RBFOX1: variants seen among roughly 807,000 people sequenced by gnomAD.
RBFOX1 encodes the protein RNA binding fox-1 homolog 1.
In RBFOX1, 8 loss-of-function variants were observed where a neutral mutation model predicts 57.7. The observed-to-expected ratio is 0.14, with a 90% confidence interval of 0.08 to 0.25. The LOEUF is 0.25. Ranked by LOEUF, RBFOX1 falls within the 10% of genes least tolerant of loss-of-function variation. RBFOX1 has a pLI of 1.00. For missense variants in RBFOX1, 611 were observed against 548.5 expected (o/e 1.11, Z -1.14); for synonymous variants, 326 against 222.4 (o/e 1.47, Z -4.15).
intron 2 of RBFOX1, among the ~76,000 whole-genome samples, chr16:6,504,596 A>G (rs1166286823): frequency 6.6e-6 from 1 of 152,134 alleles, no homozygotes; most frequent in African/African-American, 2.4e-5. Context: ...GTCTTATTTG[A>G]CACCTCATGT....
At chr16:6,510,377 A>T (rs913934884) in intron 2 of RBFOX1, among the ~76,000 whole-genome samples, 1 of 152,100 alleles carries the variant, frequency 6.6e-6, no homozygotes, top group Non-Finnish European at 1.5e-5. Context: ...GCCAACTCCC[A>T]GTTTCCCGAT....
chr16:6,373,595 G>A (rs746390178), intron 2 of RBFOX1, among the ~76,000 whole-genome samples: 6 of 152,116 alleles, frequency 3.9e-5, no homozygotes, highest in South Asian at 2.1e-4. Flanking sequence ...AAGTATAGTC[G>A]GATGAGAGGA....
intron 3 of RBFOX1, among the ~76,000 whole-genome samples, chr16:6,735,543 A>G (rs1187157483): frequency 6.6e-6 from 1 of 152,178 alleles, no homozygotes; most frequent in East Asian, 1.9e-4. Context: ...TGTGTCTTTT[A>G]ACTATTTCTC....
chr16:6,801,735 A>G (rs1238509188), intron 3 of RBFOX1, among the ~76,000 whole-genome samples: 1 of 152,094 alleles, frequency 6.6e-6, no homozygotes, highest in Non-Finnish European at 1.5e-5. Context: ...GAGAGTTTTT[A>G]TTTCTGTAAC....
At chr16:6,701,908 C>G (rs915248700) in intron 3 of RBFOX1, among the ~76,000 whole-genome samples, 1 of 152,032 alleles carries the variant, frequency 6.6e-6, no homozygotes. Context: ...TGAGTACACA[C>G]GGACACAAAG....
intron 4 of RBFOX1, among the ~76,000 whole-genome samples, chr16:7,081,161 A>G (rs1230725425): frequency 6.6e-6 from 1 of 152,124 alleles, no homozygotes; most frequent in African/African-American, 2.4e-5. Context: ...CAGCCTCCCA[A>G]GTAGCTGAGA....
chr16:6,886,829 T>A (rs2064163768), intron 3 of RBFOX1, among the ~76,000 whole-genome samples: 1 of 151,576 alleles, frequency 6.6e-6, no homozygotes, highest in Non-Finnish European at 1.5e-5. Flanking sequence ...GAAGAAACGT[T>A]TGCTTTAGAA....
chr16:6,801,332 G>A lies in RBFOX1; in HGVS notation c.-16+146682G>A, dbSNP rs1005540710. Among the ~76,000 whole-genome samples, 64 of 152,090 alleles carry A rather than the reference G, an allele frequency of 4.2e-4. 1 individual carries two copies. On this transcript the variant is annotated intron_variant, in intron 3 of 15. Coordinates refer to ENST00000550418, the MANE Select transcript of RBFOX1 (RefSeq NM_018723.4). ...CTACAGTTGAGAGAGAACCATACAA[G>A]GCTCTTGGTAATGGTCAGGCTTATG...
intron 2 of RBFOX1, among the ~76,000 whole-genome samples, chr16:5,559,535 G>C (rs1016000932): frequency 6.6e-6 from 1 of 152,160 alleles, no homozygotes; most frequent in South Asian, 2.1e-4. Flanking sequence ...TCGGGCCTTG[G>C]CCACATGGAC....
intron 4 of RBFOX1, among the ~76,000 whole-genome samples, chr16:5,895,265 C>T (rs1323023565): frequency 1.3e-5 from 2 of 152,210 alleles, no homozygotes; most frequent in African/African-American, 4.8e-5. Flanking sequence ...TAATGTGGTC[C>T]AGATGCCTGT....
intron 2 of RBFOX1, among the ~76,000 whole-genome samples, chr16:5,576,722 C>T (rs560214410): frequency 5.6e-4 from 85 of 152,304 alleles, no homozygotes; most frequent in African/African-American, 1.9e-3. Flanking sequence ...CATCAAAGCC[C>T]ATTTCTTAAA....
intron 4 of RBFOX1, among the ~76,000 whole-genome samples, chr16:7,103,499 A>G: frequency 6.6e-6 from 1 of 152,190 alleles, no homozygotes; most frequent in South Asian, 2.1e-4. Flanking sequence ...AAAGACGTTC[A>G]CAATGTATTG....
intron 3 of RBFOX1, among the ~76,000 whole-genome samples, chr16:5,725,982 G>A (rs1479272050): frequency 5.9e-5 from 9 of 152,036 alleles, no homozygotes; most frequent in Non-Finnish European, 4.4e-5. Flanking sequence ...GGTCACCAAA[G>A]AGTCTCTTCT....
chr16:7,299,339 A>G (rs1336682968), intron 4 of RBFOX1, among the ~76,000 whole-genome samples: 2 of 152,220 alleles, frequency 1.3e-5, no homozygotes, highest in Non-Finnish European at 2.9e-5. Flanking sequence ...AGTGGGAGCG[A>G]GTTGTGAACT....
intron 1 of RBFOX1, among the ~76,000 whole-genome samples, chr16:6,270,617 A>G (rs979797831): frequency 5.3e-5 from 8 of 152,202 alleles, no homozygotes; most frequent in Non-Finnish European, 1.0e-4. Flanking sequence ...GGAGAAATGG[A>G]AGAATATCAC....
intron 2 of RBFOX1, among the ~76,000 whole-genome samples, chr16:6,335,776 C>CA (rs57151962): frequency 0.16 from 8,035 of 50,162 alleles, 961 homozygotes; most frequent in African/African-American, 0.38. Context: ...AGACTGTCTC[C>CA]AAAAAAAAAA....
chr16:7,021,001 A>G (rs1324051801), intron 3 of RBFOX1, among the ~76,000 whole-genome samples: 4 of 152,248 alleles, frequency 2.6e-5, no homozygotes, highest in African/African-American at 7.2e-5. Context: ...AGTGGCAGGC[A>G]TCTGTAATCC....
At chr16:5,532,866 TCTC>T (rs924216345) in intron 2 of RBFOX1, among the ~76,000 whole-genome samples, 18 of 152,166 alleles carry the variant, frequency 1.2e-4, no homozygotes, top group Non-Finnish European at 2.1e-4. Flanking sequence ...AACAGACTCT[TCTC>T]CTTCCCTTTC....
At chr16:5,468,191 T>C (rs2069013191) in intron 2 of RBFOX1, among the ~76,000 whole-genome samples, 1 of 152,158 alleles carries the variant, frequency 6.6e-6, no homozygotes, top group Admixed American at 6.5e-5. Context: ...TGTGTTGAGG[T>C]GAAATTCACA....
Sources: allele counts gnomAD v4.1 joint callset (sites outside exome capture counted in the v4.1 genomes callset), GRCh38; gene constraint gnomAD v4.1.1; transcripts MANE v1.5; gene names NCBI Gene and HGNC (gene_info 2026-07-23, HGNC 2026-07-21).